Variants in HS6ST3 observed in about 807,000 individuals in gnomAD.
The protein encoded by HS6ST3 is heparan-sulfate 6-O-sulfotransferase 3.
HS6ST3 carries 12 observed loss-of-function variants against 36.7 expected under a neutral mutation model. The ratio of observed to expected loss-of-function variants is 0.33; its 90% CI spans 0.21 to 0.53. HS6ST3 has a LOEUF of 0.53. Ranked by LOEUF, HS6ST3 falls within the 20% of genes least tolerant of loss-of-function variation. HS6ST3 has a pLI of 0.95. For synonymous variants in HS6ST3, 240 were observed against 257.5 expected, an observed-to-expected ratio of 0.93 and a Z score of 0.65; for missense variants, 584 against 640.9, an observed-to-expected ratio of 0.91 and a Z score of 0.96.
intron 1 of HS6ST3, among the ~76,000 whole-genome samples, chr13:96,727,765 T>C (rs1876042789): frequency 6.6e-6 from 1 of 152,184 alleles, no homozygotes; most frequent in Non-Finnish European, 1.5e-5. Context: ...CTTAATAAAT[T>C]ACTTTGTACT....
At chr13:96,144,572 T>G (rs1328153032) in intron 1 of HS6ST3, among the ~76,000 whole-genome samples, 1 of 152,042 alleles carries the variant, frequency 6.6e-6, no homozygotes, top group African/African-American at 2.4e-5. Flanking sequence ...TACCTCATCT[T>G]ATGCAGTTTA....
chr13:96,104,592 C>T (rs755817403), intron 1 of HS6ST3, among the ~76,000 whole-genome samples: 1 of 152,254 alleles, frequency 6.6e-6, no homozygotes, highest in African/African-American at 2.4e-5. Flanking sequence ...GCCCACACCC[C>T]TAACTACTTG....
At chr13:96,515,501 T>A (rs1235373982) in intron 1 of HS6ST3, among the ~76,000 whole-genome samples, 3 of 152,206 alleles carry the variant, frequency 2.0e-5, no homozygotes, top group African/African-American at 7.2e-5. Context: ...GGAAGCCTTT[T>A]CCCTGATCTG....
At chr13:96,721,065 C>G (rs550010928) in intron 1 of HS6ST3, among the ~76,000 whole-genome samples, 7 of 152,296 alleles carry the variant, frequency 4.6e-5, no homozygotes, top group Admixed American at 2.0e-4. Flanking sequence ...AATTAACAAG[C>G]AGCCTCTGTG....
chr13:96,502,917 C>G (rs763174647), intron 1 of HS6ST3, among the ~76,000 whole-genome samples: 11 of 152,184 alleles, frequency 7.2e-5, no homozygotes. Flanking sequence ...AGAATCTTCT[C>G]TATAGGGTGG....
intron 1 of HS6ST3, among the ~76,000 whole-genome samples, chr13:96,804,539 T>C (rs1246911575): frequency 2.0e-5 from 3 of 152,206 alleles, no homozygotes; most frequent in Non-Finnish European, 4.4e-5. Flanking sequence ...TTTTCTTTCT[T>C]TAAAAGTAAT....
chr13:96,718,257 T>A (rs1240104953), intron 1 of HS6ST3, among the ~76,000 whole-genome samples: 5 of 152,354 alleles, frequency 3.3e-5, no homozygotes, highest in Admixed American at 3.3e-4. Context: ...GCAAGCAGTT[T>A]CTCACCACAT....
intron 1 of HS6ST3, among the ~76,000 whole-genome samples, chr13:96,542,228 G>C (rs957320101): frequency 2.2e-4 from 34 of 152,150 alleles, no homozygotes; most frequent in African/African-American, 8.2e-4. Flanking sequence ...ACTGGCAGAT[G>C]AAGGGAAAAA....
At chr13:96,300,218 G>A (rs2054875244) in intron 1 of HS6ST3, among the ~76,000 whole-genome samples, 1 of 151,604 alleles carries the variant, frequency 6.6e-6, no homozygotes, top group Non-Finnish European at 1.5e-5. Context: ...CACCACACCT[G>A]GCTAATTTTT....
At chr13:96,278,891 A>G (rs551303559) in intron 1 of HS6ST3, among the ~76,000 whole-genome samples, 18 of 152,282 alleles carry the variant, frequency 1.2e-4, no homozygotes, top group Admixed American at 3.9e-4. Flanking sequence ...AATTTATTGA[A>G]ATGTTAATGT....
intron 1 of HS6ST3, among the ~76,000 whole-genome samples, chr13:96,587,229 C>T (rs1256414760): frequency 5.3e-5 from 8 of 151,968 alleles, no homozygotes; most frequent in Admixed American, 5.2e-4. Context: ...ATTAAGATGC[C>T]TCCAGCTTTA....
At chr13:96,747,920 G>A (rs1036578786) in intron 1 of HS6ST3, among the ~76,000 whole-genome samples, 1 of 151,974 alleles carries the variant, frequency 6.6e-6, no homozygotes. Flanking sequence ...ATATATTCAG[G>A]AGGCATTTTA....
chr13:96,819,937 A>G (rs372926688), intron 1 of HS6ST3, among the ~76,000 whole-genome samples: 3 of 152,006 alleles, frequency 2.0e-5, no homozygotes, highest in Admixed American at 2.0e-4. Flanking sequence ...TTAGCCAGGC[A>G]TGGTGGCAGA....
chr13:96,304,156 A>AAAAG (rs2054897535), intron 1 of HS6ST3, among the ~76,000 whole-genome samples: 7 of 150,870 alleles, frequency 4.6e-5, no homozygotes, highest in African/African-American at 4.9e-5. Context: ...AAAAAAAAAA[A>AAAAG]TGTGATTTTT....
chr13:96,291,973 T>C (rs2054831942), intron 1 of HS6ST3, among the ~76,000 whole-genome samples: 1 of 152,148 alleles, frequency 6.6e-6, no homozygotes, highest in Non-Finnish European at 1.5e-5. Flanking sequence ...TATTACAAGA[T>C]GCTAAGAGTT....
At chr13:96,176,062 C>T (rs1226700757) in intron 1 of HS6ST3, among the ~76,000 whole-genome samples, 1 of 152,158 alleles carries the variant, frequency 6.6e-6, no homozygotes, top group East Asian at 1.9e-4. Flanking sequence ...CTCCTGACCT[C>T]AGGTGATCCA....
At chr13:96,309,623 T>C (rs1166731839) in intron 1 of HS6ST3, among the ~76,000 whole-genome samples, 1 of 152,146 alleles carries the variant, frequency 6.6e-6, no homozygotes, top group Non-Finnish European at 1.5e-5. Context: ...AATCAAAGCT[T>C]TTAATAGATT....
At chr13:96,821,300 G>A (rs2138542178) in intron 1 of HS6ST3, among the ~76,000 whole-genome samples, 1 of 152,302 alleles carries the variant, frequency 6.6e-6, no homozygotes, top group South Asian at 2.1e-4. Context: ...TCTCCCTGCA[G>A]GTAGAAACAA....
At chr13:96,600,498 T>C (rs1302735076) in intron 1 of HS6ST3, among the ~76,000 whole-genome samples, 1 of 152,102 alleles carries the variant, frequency 6.6e-6, no homozygotes, top group Non-Finnish European at 1.5e-5. Context: ...TCCTACTCCC[T>C]TTTGGTTTTC....
Sources: gnomAD v4.1 joint callset for allele counts (sites outside exome capture counted in the v4.1 genomes callset) on GRCh38, gnomAD v4.1.1 for gene constraint, MANE v1.5 for transcripts, NCBI Gene and HGNC (gene_info 2026-07-23, HGNC 2026-07-21) for gene names.